The following MKNK1 variants were observed in gnomAD, a reference collection of about 807,000 sequenced individuals.
The protein encoded by MKNK1 is MAPK interacting serine/threonine kinase 1, also known as MAP kinase-interacting serine/threonine-protein kinase 1.
A neutral mutation model predicts 49.3 loss-of-function variants in MKNK1; 30 were observed. The observed-to-expected ratio is 0.61, with a 90% CI of 0.46 to 0.83. The LOEUF (loss-of-function observed/expected upper bound fraction) is 0.83. MKNK1 is among the 40% of genes least tolerant of loss of function. The probability of loss-of-function intolerance (pLI) is 0.00; values close to 1 mark genes in which losing one functional copy is unlikely to be tolerated. For synonymous variants in MKNK1, 176 were observed against 201.7 expected (o/e 0.87, Z 1.08); for missense variants, 423 against 524.7 (o/e 0.81, Z 1.89).
In MKNK1 at chr1:46,580,607, C is replaced by G. The variant is rs1232454397; in HGVS notation, c.121G>C (p.Glu41Gln). The G allele has an allele frequency of 6.2e-7, 1 of 1,613,648 alleles. No homozygotes were observed. The highest frequency in any genetic ancestry group is 8.5e-7 in the Non-Finnish European group (1 of 1,179,566). ...GCATAGGCTCCCTCTCCAAGCAATTCAGAGGTCAGCTTGTACATATCTAGA... is the reference window on the plus strand; with the variant it reads ...GCATAGGCTCCCTCTCCAAGCAATTGAGAGGTCAGCTTGTACATATCTAGA... The part of the protein sequence containing the change: ...KFEDMYKLTS[E>Q]LLGEGAYAKV... Residue 41 changes from glutamate (E) to glutamine (Q), a missense_variant, in exon 4 of 13, where the codon GAA becomes CAA. Transcript: ENST00000371945.
chr1:46,563,185 C>A (rs1340155395), intron 9 of MKNK1: 2 of 233,174 alleles, frequency 8.6e-6, no homozygotes, highest in East Asian at 2.0e-4. Flanking sequence ...TTAAATGCAC[C>A]AAGAATGTGG....
chr1:46,578,121 C>T, intron 4 of MKNK1, among the ~76,000 whole-genome samples: 1 of 152,212 alleles, frequency 6.6e-6, no homozygotes, highest in Non-Finnish European at 1.5e-5. Flanking sequence ...AACTTTCTAG[C>T]AGGCAAGCCT....
chr1:46,589,527 G>A lies in MKNK1; in HGVS notation c.-3+4586C>T, dbSNP rs868525090. On this transcript the variant is annotated intron_variant, in intron 2 of 12. Transcript: ENST00000371945. The surrounding 1 kb of genome is among the most constrained non-coding windows in gnomAD (Gnocchi z 4.3). Reference sequence around the variant, plus strand: ...CCATTCCTAGGCATACGTTTATCTTGTTTTCTCCATTAAAATAGGAATGCA... The same window carrying A: ...CCATTCCTAGGCATACGTTTATCTTATTTTCTCCATTAAAATAGGAATGCA... 6.6e-6 allele frequency among the ~76,000 whole-genome samples: 1 copy of A among 152,204 alleles called. No homozygotes were observed. Among genetic ancestry groups the A allele is most frequent in the African/African-American group, 2.4e-5 (1 of 41,454 alleles).
At chr1:46,568,145 G>T in intron 8 of MKNK1, 2 of 251,908 alleles carry the variant, frequency 7.9e-6, no homozygotes, top group Non-Finnish European at 1.5e-5. Context: ...AAGTATTTAC[G>T]ACTTCCATCA....
intron 11 of MKNK1, among the ~76,000 whole-genome samples, chr1:46,560,733 C>A (rs74347047): frequency 0.049 from 7,412 of 152,282 alleles, 406 homozygotes; most frequent in African/African-American, 0.13. Context: ...GGGACTGGGT[C>A]TCACTTGTCC....
intron 6 of MKNK1, chr1:46,574,452 A>G (rs1367422014): frequency 6.6e-6 from 1 of 152,560 alleles, no homozygotes; most frequent in African/African-American, 2.4e-5. Context: ...ATTATGTCAG[A>G]AAAGCAACTT....
chr1:46,564,335 G>C (rs917296068), intron 9 of MKNK1, among the ~76,000 whole-genome samples: 2 of 151,964 alleles, frequency 1.3e-5, no homozygotes, highest in Non-Finnish European at 2.9e-5. Flanking sequence ...AGGGGGCTGC[G>C]CTGTGCCTTC....
intron 11 of MKNK1, 149 bp downstream of exon 11, chr1:46,561,329 T>G: frequency 1.3e-5 from 11 of 831,362 alleles, no homozygotes; most frequent in African/African-American, 1.7e-5. Context: ...GAGGAGTCGA[T>G]TCACTCTACA....
intron 2 of MKNK1, among the ~76,000 whole-genome samples, chr1:46,590,893 T>C (rs1338013945): frequency 1.3e-5 from 2 of 152,272 alleles, no homozygotes; most frequent in Non-Finnish European, 2.9e-5. Flanking sequence ...TACCACATTA[T>C]CATCGTCCTA....
intron 2 of MKNK1, chr1:46,593,630 A>G: frequency 6.5e-6 from 1 of 153,280 alleles, no homozygotes; most frequent in Non-Finnish European, 1.5e-5. Flanking sequence ...AGGCCAAGGC[A>G]GGCAGATCAC....
chr1:46,588,518 T>C (rs1184285434), intron 2 of MKNK1, among the ~76,000 whole-genome samples: 1 of 152,242 alleles, frequency 6.6e-6, no homozygotes, highest in Non-Finnish European at 1.5e-5. Context: ...TAAAAAATGC[T>C]ACTTCTTGGC....
At chr1:46,578,621 C>T (rs1006375043) in intron 4 of MKNK1, among the ~76,000 whole-genome samples, 1 of 145,890 alleles carries the variant, frequency 6.9e-6, no homozygotes, top group Non-Finnish European at 1.5e-5. Flanking sequence ...GAGTCTCCCT[C>T]TGTTGTCCAG....
rs369991881 is a variant in MKNK1, at chr1:46,582,511, A to G, written c.100+717T>C. Among the ~76,000 whole-genome samples, 153 of 152,320 alleles carry G rather than the reference A, an allele frequency of 1.0e-3. No homozygotes were observed. The Middle Eastern group carries it at 0.014, about 14-fold the overall frequency. On this transcript the variant is annotated intron_variant, in intron 3 of 12. Coordinates refer to ENST00000371945, the MANE Select transcript of MKNK1 (RefSeq NM_001135553.4). ...TGTGTCTGGAAGGCTGGAAGGAGGG[A>G]CCAAGAGGCGAAGCTACTTCAGACC...
chr1:46,592,488 G>C (rs533301326), intron 2 of MKNK1, among the ~76,000 whole-genome samples: 75 of 152,356 alleles, frequency 4.9e-4, no homozygotes, highest in Non-Finnish European at 8.2e-4. Context: ...GATGGGGAGG[G>C]ACTGGGTGTG....
intron 1 of MKNK1, among the ~76,000 whole-genome samples, chr1:46,601,590 A>G (rs1473039063): frequency 2.0e-5 from 3 of 152,246 alleles, no homozygotes; most frequent in Non-Finnish European, 2.9e-5. Context: ...AATGGCTGCA[A>G]TGAAGAATGC....
intron 7 of MKNK1, chr1:46,569,904 C>G (rs1296523579): frequency 6.6e-6 from 1 of 152,232 alleles, no homozygotes; most frequent in African/African-American, 2.4e-5. Flanking sequence ...CCTAAGAACT[C>G]AGAGAGCCAG....
chr1:46,593,499 G>C (rs1344212644), intron 2 of MKNK1: 3 of 152,216 alleles, frequency 2.0e-5, no homozygotes. Flanking sequence ...AGGCAAAGAG[G>C]GGCTTCATAT....
In MKNK1 at chr1:46,562,709, G is replaced by T. The variant is rs547469985; in HGVS notation, c.744C>A (p.Phe248Leu). 1 of 1,584,004 alleles carries T rather than the reference G, an allele frequency of 6.3e-7. No individual in the cohort carries two copies. Among genetic ancestry groups the T allele is most frequent in the Non-Finnish European group, 8.6e-7 (1 of 1,163,864 alleles). The change falls in exon 10 of 13, where the codon TTC becomes TTA. Residue 248 changes from phenylalanine to leucine, a missense_variant. Coordinates refer to ENST00000371945, the MANE Select transcript of MKNK1 (RefSeq NM_001135553.4). ...CACAGTCGGCCCCGCAGTGACCCAC[G>T]AAGGGTGGGTAGCCACTCAGCATGA... ...LYIMLSGYPP[F>L]VGHCGADCGW...
chr1:46,558,853 C>A, intron 12 of MKNK1, 53 bp from the exon 13 acceptor site: 1 of 1,509,048 alleles, frequency 6.6e-7, no homozygotes, highest in Non-Finnish European at 9.0e-7. Flanking sequence ...TAGGGTCAGC[C>A]AGGCCAGCTC....
Sources: allele counts gnomAD v4.1 joint callset (sites outside exome capture counted in the v4.1 genomes callset), GRCh38; gene constraint gnomAD v4.1.1; non-coding constraint Gnocchi (gnomAD v3.1); transcripts MANE v1.5; gene names NCBI Gene and HGNC (gene_info 2026-07-23, HGNC 2026-07-21).